The following GBE1 variants were observed in gnomAD, a reference collection of about 807,000 sequenced individuals.
The protein encoded by GBE1 is 1,4-alpha-glucan branching enzyme 1, also known as 1,4-alpha-glucan-branching enzyme.
GBE1 carries 70 observed loss-of-function variants against 88.8 expected under a neutral mutation model. The observed-to-expected ratio is 0.79, with a 90% CI of 0.65 to 0.96. The LOEUF (loss-of-function observed/expected upper bound fraction) is 0.96. Among genes scored for constraint, GBE1 ranks in the 40% least tolerant of loss-of-function variants. The pLI, the probability that GBE1 is intolerant of heterozygous loss-of-function variation, is 0.00. For synonymous variants in GBE1, 284 were observed against 300.1 expected, an observed-to-expected ratio of 0.95 and a Z score of 0.56; for missense variants, 872 against 871.0, an observed-to-expected ratio of 1.00 and a Z score of -0.01.
chr3:81,622,062 G>C (rs942105245), intron 7 of GBE1, among the ~76,000 whole-genome samples: 4 of 152,016 alleles, frequency 2.6e-5, no homozygotes, highest in African/African-American at 9.7e-5. Flanking sequence ...TTTGACTTTT[G>C]ACCTCCATTC....
At position 81,761,483 on chromosome 3, in the gene GBE1, TCGGGCCGAGCCG is replaced by T. The variant is rs756575156; in HGVS notation, c.23_34del (p.Ala8_Pro11del). ...GGCATTGAGCGCCGCCTCGTAGTCCTCGGGCCGAGCCGCGGGAGTCATCGGAGCCGCCATATT... is the reference window on the plus strand; with the variant it reads ...GGCATTGAGCGCCGCCTCGTAGTCCTCGGGAGTCATCGGAGCCGCCATATT... On this transcript the variant is annotated inframe_deletion, in exon 1 of 16. Coordinates refer to ENST00000429644, the MANE Select transcript of GBE1 (RefSeq NM_000158.4). 1 of 1,611,598 alleles carries T rather than the reference TCGGGCCGAGCCG, an allele frequency of 6.2e-7. No individual in the cohort carries two copies. The highest frequency in any genetic ancestry group is 8.5e-7 in the Non-Finnish European group (1 of 1,179,280).
intron 12 of GBE1, among the ~76,000 whole-genome samples, chr3:81,539,841 A>T (rs915339600): frequency 2.0e-5 from 3 of 152,056 alleles, no homozygotes; most frequent in Non-Finnish European, 4.4e-5. Flanking sequence ...AATTTAAGAC[A>T]CGAAGGAAAC....
chr3:81,499,262 G>T, intron 14 of GBE1, 35 bp from the exon 15 acceptor site: 3 of 1,227,220 alleles, frequency 2.4e-6, no homozygotes, highest in Non-Finnish European at 3.6e-6. Flanking sequence ...CAGTTGAGGA[G>T]TTGAATGAGA....
intron 14 of GBE1, among the ~76,000 whole-genome samples, chr3:81,503,865 G>A (rs1457523019): frequency 6.6e-6 from 1 of 152,134 alleles, no homozygotes; most frequent in Non-Finnish European, 1.5e-5. Flanking sequence ...AAGGAAAGAG[G>A]TTTATTTTGG....
intron 12 of GBE1, among the ~76,000 whole-genome samples, chr3:81,564,289 C>T (rs187717065): frequency 2.0e-4 from 30 of 152,150 alleles, no homozygotes; most frequent in Non-Finnish European, 4.0e-4. Flanking sequence ...CACCTGGTCA[C>T]ACCTGGGCAC....
chr3:81,747,899 T>A (rs1706439914), intron 1 of GBE1, among the ~76,000 whole-genome samples: 3 of 152,168 alleles, frequency 2.0e-5, no homozygotes, highest in Admixed American at 6.5e-5. Context: ...CTTTTCGGAC[T>A]CAGCCCGCCT....
Position 81,537,005 on chromosome 3 carries a change from G to A in GBE1, c.1709C>T (p.Thr570Ile). 1 of 1,591,264 alleles carries A rather than the reference G, an allele frequency of 6.3e-7. No homozygotes were observed. The highest frequency in any genetic ancestry group is 8.5e-7 in the Non-Finnish European group (1 of 1,170,078). ...CTTGTAGCGAAGAAGGTCGTCGTCA[G>A]TTAAATGAAACTGCCGCCTGGCATA... The part of the protein sequence containing the change: ...YHYARRQFHL[T>I]DDDLLRYKFL... Residue 570 changes from threonine to isoleucine, a missense_variant, in exon 13 of 16, where the codon ACT becomes ATT. By Grantham distance (89) the Thr-to-Ile change is moderately conservative. Transcript: ENST00000429644.
rs1223529959 is a variant in GBE1 at position 81,749,139 on chromosome 3, TA to T, written c.143+12235del. Among the ~76,000 whole-genome samples the T allele has an allele frequency of 5.7e-4, 87 of 152,104 alleles. 2 individuals carry two copies. In the South Asian group the frequency reaches 0.018, roughly 31 times the overall value. ...CAGAGAAATAAAACCTATACATAAA[TA>T]TTCATATCTTAGGTTTACTGTAATA... On this transcript the variant is annotated intron_variant, in intron 1 of 15. Transcript: ENST00000429644.
chr3:81,491,597 C>A (rs983939958), intron 15 of GBE1, among the ~76,000 whole-genome samples: 5 of 152,046 alleles, frequency 3.3e-5, no homozygotes, highest in Non-Finnish European at 7.4e-5. Flanking sequence ...TAAGTATTAA[C>A]AAAGCAAACA....
At chr3:81,501,447 T>C (rs931455937) in intron 14 of GBE1, among the ~76,000 whole-genome samples, 1 of 152,240 alleles carries the variant, frequency 6.6e-6, no homozygotes. Context: ...TCTCCATCTC[T>C]TGTTTCTCAA....
chr3:81,582,207 G>A (rs1703740905), intron 10 of GBE1, among the ~76,000 whole-genome samples: 1 of 151,966 alleles, frequency 6.6e-6, no homozygotes, highest in Non-Finnish European at 1.5e-5. Flanking sequence ...GGCACCAGAG[G>A]GCAGAACGTG....
At chr3:81,636,919 T>G (rs1704600654) in intron 7 of GBE1, among the ~76,000 whole-genome samples, 1 of 152,160 alleles carries the variant, frequency 6.6e-6, no homozygotes, top group Non-Finnish European at 1.5e-5. Context: ...TTCAGTGCTT[T>G]GAAATCTATC....
intron 14 of GBE1, among the ~76,000 whole-genome samples, chr3:81,528,626 T>C (rs146005710): frequency 1.7e-3 from 259 of 152,166 alleles, no homozygotes; most frequent in Non-Finnish European, 2.9e-3. Context: ...TCTCTTTAGC[T>C]CTAATAATAT....
intron 2 of GBE1, among the ~76,000 whole-genome samples, chr3:81,673,057 C>T (rs1484660058): frequency 1.3e-5 from 2 of 151,884 alleles, no homozygotes; most frequent in Non-Finnish European, 2.9e-5. Flanking sequence ...AAGTTTGGTG[C>T]TGCTATACTC....
At chr3:81,538,555 A>G (rs1703104403) in intron 12 of GBE1, among the ~76,000 whole-genome samples, 1 of 152,002 alleles carries the variant, frequency 6.6e-6, no homozygotes, top group African/African-American at 2.4e-5. Flanking sequence ...TGACACAAGG[A>G]ATGTCCCTCT....
chr3:81,638,647 A>T (rs2107050879), intron 7 of GBE1, among the ~76,000 whole-genome samples: 1 of 152,294 alleles, frequency 6.6e-6, no homozygotes, highest in South Asian at 2.1e-4. Flanking sequence ...TTACTAATTT[A>T]GCAAAGCTAG....
chr3:81,549,380 C>A (rs6777831), intron 12 of GBE1, among the ~76,000 whole-genome samples: 24,696 of 151,362 alleles, frequency 0.16, 2,882 homozygotes, highest in Non-Finnish European at 0.22. Flanking sequence ...CAATAAGAAT[C>A]TGTTTCCTTT....
At chr3:81,522,512 T>A (rs1297983433) in intron 14 of GBE1, among the ~76,000 whole-genome samples, 1 of 151,386 alleles carries the variant, frequency 6.6e-6, no homozygotes, top group Non-Finnish European at 1.5e-5. Flanking sequence ...TTGTAAATTA[T>A]GTTGGAAATG....
At chr3:81,543,154 G>A (rs142316815) in intron 12 of GBE1, among the ~76,000 whole-genome samples, 98 of 151,788 alleles carry the variant, frequency 6.5e-4, no homozygotes, top group Middle Eastern at 6.8e-3. Context: ...TTCAAAATAC[G>A]GTAATGATTC....
Sources: gnomAD v4.1 joint callset for allele counts (sites outside exome capture counted in the v4.1 genomes callset) on GRCh38, gnomAD v4.1.1 for gene constraint, MANE v1.5 for transcripts, NCBI Gene and HGNC (gene_info 2026-07-23, HGNC 2026-07-21) for gene names.